Variants in OR4N2 observed in about 807,000 individuals in gnomAD.
OR4N2 encodes the protein olfactory receptor family 4 subfamily N member 2.
For synonymous variants in OR4N2, 141 were observed against 140.4 expected (o/e 1.00, Z -0.03); for missense variants, 307 against 377.6 (o/e 0.81, Z 1.55).
At chr14:19,808,031 A>G (rs1198883645) in intron 1 of OR4N2, among the ~76,000 whole-genome samples, 12 of 152,198 alleles carry the variant, frequency 7.9e-5, no homozygotes, top group Admixed American at 7.9e-4. Context: ...ATAACATCCA[A>G]CATCCCTTCA....
At chr14:19,817,759 A>G (rs1179866563) in intron 1 of OR4N2, among the ~76,000 whole-genome samples, 3 of 152,128 alleles carry the variant, frequency 2.0e-5, no homozygotes, top group Non-Finnish European at 4.4e-5. Flanking sequence ...TTACTTCTCT[A>G]GTTCTTTTAA....
intron 1 of OR4N2, among the ~76,000 whole-genome samples, chr14:19,826,986 A>C (rs1472300117): frequency 6.6e-5 from 10 of 152,252 alleles, no homozygotes; most frequent in African/African-American, 2.4e-4. Context: ...TGAGGGAAGA[A>C]AATGTCTAGG....
intron 1 of OR4N2, among the ~76,000 whole-genome samples, chr14:19,815,119 C>G (rs1290462369): frequency 6.6e-6 from 1 of 152,224 alleles, no homozygotes; most frequent in Non-Finnish European, 1.5e-5. Flanking sequence ...GTGAACAGTG[C>G]CGCAGTAAAC....
At chr14:19,815,529 T>C (rs1879402068) in intron 1 of OR4N2, among the ~76,000 whole-genome samples, 1 of 152,268 alleles carries the variant, frequency 6.6e-6, no homozygotes, top group Non-Finnish European at 1.5e-5. Context: ...TGTTTGTTTT[T>C]TTCTTGTAAA....
intron 1 of OR4N2, among the ~76,000 whole-genome samples, chr14:19,808,169 G>A (rs1879210854): frequency 6.6e-6 from 1 of 152,086 alleles, no homozygotes. Context: ...CTTAAGAACT[G>A]GAAAAGGACA....
At position 19,807,111 on chromosome 14, in the gene OR4N2, G is replaced by A. The variant is rs190361713; in HGVS notation, c.-10+3267G>A. On this transcript the variant is annotated intron_variant, in intron 1 of 1. Coordinates refer to ENST00000557677, the MANE Select transcript of OR4N2 (RefSeq NM_001004723.3). ...AAATAAGATAAGAGGAAAGATTATAGCATTAAATACCTTCATCAAGAAGTT... is the reference window on the plus strand; with the variant it reads ...AAATAAGATAAGAGGAAAGATTATAACATTAAATACCTTCATCAAGAAGTT... Among the ~76,000 whole-genome samples, 609 of 151,634 alleles carry A rather than the reference G, an allele frequency of 4.0e-3. 2 individuals are homozygous for A. The highest frequency in any genetic ancestry group is 0.016 in the South Asian group (76 of 4,802).
intron 1 of OR4N2, among the ~76,000 whole-genome samples, chr14:19,814,768 C>A (rs1009345515): frequency 3.3e-5 from 5 of 152,210 alleles, no homozygotes; most frequent in African/African-American, 9.7e-5. Flanking sequence ...GCTTGCTGCA[C>A]CCATCAACCT....
chr14:19,816,002 T>C (rs1364838909), intron 1 of OR4N2, among the ~76,000 whole-genome samples: 1 of 152,246 alleles, frequency 6.6e-6, no homozygotes. Flanking sequence ...AAAGATCAGA[T>C]GGTTGTAGAC....
At chr14:19,819,642 G>A (rs1158430377) in intron 1 of OR4N2, among the ~76,000 whole-genome samples, 1 of 152,202 alleles carries the variant, frequency 6.6e-6, no homozygotes, top group Non-Finnish European at 1.5e-5. Context: ...TGCTCCTTTA[G>A]CTCAGAGGAG....
At chr14:19,811,406 C>A (rs538191931) in intron 1 of OR4N2, among the ~76,000 whole-genome samples, 12 of 152,318 alleles carry the variant, frequency 7.9e-5, no homozygotes, top group African/African-American at 2.6e-4. Context: ...ACCACCACGC[C>A]TGGCTAATTT....
chr14:19,823,669 G>T (rs1196726182), intron 1 of OR4N2, among the ~76,000 whole-genome samples: 1 of 151,978 alleles, frequency 6.6e-6, no homozygotes, highest in African/African-American at 2.4e-5. Context: ...ATAGATAAAT[G>T]TAAGGGAGAA....
chr14:19,824,062 G>A (rs1173163924), intron 1 of OR4N2, among the ~76,000 whole-genome samples: 1 of 152,228 alleles, frequency 6.6e-6, no homozygotes, highest in Non-Finnish European at 1.5e-5. Context: ...ATCAATGCAC[G>A]AATTAGCTGA....
rs770714683 is a variant in OR4N2, at chr14:19,827,666, A to G, written c.218A>G (p.Tyr73Cys). 8.1e-6 allele frequency: 13 copies of G among 1,613,794 alleles called. No individual in the cohort carries two copies. The Admixed American group carries it at 1.5e-4, about 19-fold the overall frequency. The change falls in exon 2 of 2, where the codon TAC becomes TGC. Residue 73 changes from tyrosine (Y) to cysteine (C), a missense_variant. Tyr to Cys is a radical substitution (Grantham distance 194, BLOSUM62 -2). Coordinates refer to ENST00000557677, the MANE Select transcript of OR4N2 (RefSeq NM_001004723.3). Reference sequence around the variant, plus strand: ...AACTTGGCCTTCCTGGATGCATCCTACTCCTTCATTGTGGCTCCCCGGATG... The same window carrying G: ...AACTTGGCCTTCCTGGATGCATCCTGCTCCTTCATTGTGGCTCCCCGGATG... ...LGNLAFLDAS[Y>C]SFIVAPRMLV...
Position 19,817,797 on chromosome 14 carries a change from T to A in OR4N2, c.-9-9643T>A, listed in dbSNP as rs1413762325. Among the ~76,000 whole-genome samples, 3 of 152,396 alleles carry A rather than the reference T, an allele frequency of 2.0e-5. No individual in the cohort carries two copies. In the East Asian group the frequency reaches 5.8e-4, roughly 29 times the overall value. On this transcript the variant is annotated intron_variant, in intron 1 of 1. Transcript: ENST00000557677. ...GTAATGTTAGGGTGTCAATTTTAGATCTTTCCTGCTTTAAGCTGTTGGCAT... is the reference window on the plus strand; with the variant it reads ...GTAATGTTAGGGTGTCAATTTTAGAACTTTCCTGCTTTAAGCTGTTGGCAT...
At chr14:19,809,602 T>A (rs1286897317) in intron 1 of OR4N2, among the ~76,000 whole-genome samples, 1 of 152,172 alleles carries the variant, frequency 6.6e-6, no homozygotes, top group East Asian at 1.9e-4. Flanking sequence ...CCTCAAACTA[T>A]ACTATAAGGC....
chr14:19,809,495 A>C (rs566400429), intron 1 of OR4N2, among the ~76,000 whole-genome samples: 1 of 152,356 alleles, frequency 6.6e-6, no homozygotes, highest in African/African-American at 2.4e-5. Context: ...AACTTAAACA[A>C]AGCAACAAAC....
chr14:19,824,678 G>A (rs1270947303), intron 1 of OR4N2, among the ~76,000 whole-genome samples: 2 of 152,210 alleles, frequency 1.3e-5, no homozygotes, highest in Non-Finnish European at 2.9e-5. Context: ...TACTCAGTGG[G>A]AAGACAACAA....
chr14:19,821,752 A>C (rs1481492176), intron 1 of OR4N2, among the ~76,000 whole-genome samples: 1 of 152,242 alleles, frequency 6.6e-6, no homozygotes, highest in Non-Finnish European at 1.5e-5. Context: ...TCTTTGCCTT[A>C]TTTATTTGAT....
chr14:19,815,711 C>A (rs1413862316), intron 1 of OR4N2, among the ~76,000 whole-genome samples: 1 of 146,964 alleles, frequency 6.8e-6, no homozygotes, highest in East Asian at 2.0e-4. Flanking sequence ...AATTAGATCT[C>A]ATTTGTCAAT....
Sources: gnomAD v4.1 joint callset for allele counts (sites outside exome capture counted in the v4.1 genomes callset) on GRCh38, gnomAD v4.1.1 for gene constraint, MANE v1.5 for transcripts, NCBI Gene and HGNC (gene_info 2026-07-23, HGNC 2026-07-21) for gene names.